Variants in PRKN observed in about 807,000 individuals in gnomAD.
The protein encoded by PRKN is parkin RBR E3 ubiquitin protein ligase.
In PRKN, 56 loss-of-function variants were observed where a neutral mutation model predicts 59.5. That is an observed-to-expected ratio of 0.94 (90% CI 0.76 to 1.18). The LOEUF (loss-of-function observed/expected upper bound fraction) is 1.18, where lower values mean the gene tolerates loss of function less well. Ranked by LOEUF, PRKN falls within the 50% of genes most tolerant of loss-of-function variation. The probability of loss-of-function intolerance (pLI) is 0.00; values close to 1 mark genes in which losing one functional copy is unlikely to be tolerated. For synonymous variants in PRKN, 250 were observed against 222.1 expected, an observed-to-expected ratio of 1.13 and a Z score of -1.12; for missense variants, 657 against 596.4, an observed-to-expected ratio of 1.10 and a Z score of -1.06.
intron 4 of PRKN, among the ~76,000 whole-genome samples, chr6:162,096,254 C>G (rs1006315430): frequency 6.6e-6 from 1 of 152,168 alleles, no homozygotes; most frequent in African/African-American, 2.4e-5. Context: ...GCTTCTCACT[C>G]TGTTCCCTAA....
rs998896104 is a variant in PRKN, at chr6:161,655,840, C to A, written c.872-86424G>T. 1.1e-4 allele frequency among the ~76,000 whole-genome samples: 16 copies of A among 151,962 alleles called. 1 individual carries two copies. In the East Asian group the frequency reaches 3.1e-3, roughly 29 times the overall value. The stretch of plus-strand genomic sequence containing the variant: ...TGATTATTGATTTCCAGTTCAAACT[C>A]ACCACACAGGCATATCAACACACAT... On this transcript the variant is annotated intron_variant, in intron 7 of 11. Coordinates refer to ENST00000366898, the MANE Select transcript of PRKN (RefSeq NM_004562.3).
At chr6:162,236,095 G>A (rs1778698212) in intron 3 of PRKN, among the ~76,000 whole-genome samples, 1 of 152,054 alleles carries the variant, frequency 6.6e-6, no homozygotes, top group Non-Finnish European at 1.5e-5. Context: ...AATTAGATGT[G>A]TCACCTAACA....
chr6:161,920,812 C>T (rs1778758569), intron 6 of PRKN, among the ~76,000 whole-genome samples: 1 of 151,926 alleles, frequency 6.6e-6, no homozygotes, highest in Admixed American at 6.6e-5. Flanking sequence ...AAACGTACCC[C>T]TGAATAGGAC....
intron 2 of PRKN, among the ~76,000 whole-genome samples, chr6:162,278,520 G>C (rs1256620226): frequency 6.6e-6 from 1 of 152,064 alleles, no homozygotes; most frequent in Non-Finnish European, 1.5e-5. Context: ...ATAATGGAGA[G>C]GGTATGGGCA....
At chr6:161,657,291 C>T (rs572207350) in intron 7 of PRKN, among the ~76,000 whole-genome samples, 1 of 152,308 alleles carries the variant, frequency 6.6e-6, no homozygotes, top group African/African-American at 2.4e-5. Context: ...ATTTCTGGGA[C>T]AGTCTTCTCT....
intron 4 of PRKN, among the ~76,000 whole-genome samples, chr6:162,195,484 T>C (rs890564889): frequency 3.3e-5 from 5 of 152,348 alleles, no homozygotes; most frequent in African/African-American, 1.2e-4. Context: ...TAGACTGTAT[T>C]TCTTAATAAA....
chr6:161,809,084 G>T (rs577434458), intron 6 of PRKN, among the ~76,000 whole-genome samples: 14 of 152,104 alleles, frequency 9.2e-5, no homozygotes, highest in Non-Finnish European at 1.5e-4. Flanking sequence ...CAGGCAGTCC[G>T]CCCACCTCAG....
chr6:161,590,444 A>C (rs1583268210), intron 7 of PRKN, among the ~76,000 whole-genome samples: 1 of 152,258 alleles, frequency 6.6e-6, no homozygotes, highest in South Asian at 2.1e-4. Flanking sequence ...CTAAAAATAC[A>C]AAAATTAGCT....
At chr6:162,337,709 C>T (rs966466340) in intron 2 of PRKN, among the ~76,000 whole-genome samples, 1 of 152,030 alleles carries the variant, frequency 6.6e-6, no homozygotes, top group Non-Finnish European at 1.5e-5. Flanking sequence ...TGTGAGGACA[C>T]CTGGGTCTAA....
intron 6 of PRKN, among the ~76,000 whole-genome samples, chr6:161,897,954 G>A (rs182284298): frequency 0.086 from 3,320 of 38,518 alleles, 169 homozygotes; most frequent in African/African-American, 0.24. Context: ...GTGACAGAGC[G>A]AGACTCCGTC....
intron 3 of PRKN, among the ~76,000 whole-genome samples, chr6:162,221,687 A>G (rs1204092612): frequency 6.6e-6 from 1 of 152,196 alleles, no homozygotes; most frequent in Non-Finnish European, 1.5e-5. Flanking sequence ...TGATTGAAAA[A>G]TGTATGAAGC....
intron 1 of PRKN, among the ~76,000 whole-genome samples, chr6:162,677,314 A>G (rs1015341271): frequency 8.6e-5 from 13 of 152,044 alleles, no homozygotes; most frequent in East Asian, 1.9e-4. Context: ...TTCAAGGACC[A>G]TAACAGCTGA....
chr6:162,254,328 G>A (rs1001695180), intron 3 of PRKN, among the ~76,000 whole-genome samples: 5 of 151,838 alleles, frequency 3.3e-5, no homozygotes, highest in African/African-American at 9.7e-5. Flanking sequence ...ATGGTGGTGG[G>A]TGCCTGTAAT....
At chr6:162,110,995 A>G (rs1780407257) in intron 4 of PRKN, among the ~76,000 whole-genome samples, 1 of 152,318 alleles carries the variant, frequency 6.6e-6, no homozygotes, top group Middle Eastern at 3.4e-3. Context: ...TGTGGCTGAC[A>G]TGACCAGACC....
chr6:161,466,602 ATC>A lies in PRKN; in HGVS notation c.1084-79727_1084-79726del, dbSNP rs1362421630. The stretch of plus-strand genomic sequence containing the variant: ...TGCATATTAAAAGATAAGCCAGTAC[ATC>A]TCTGAGATTTGCCATCCTCTCTGGT... On this transcript the variant is annotated intron_variant, in intron 9 of 11. Coordinates refer to ENST00000366898, the MANE Select transcript of PRKN (RefSeq NM_004562.3). The surrounding 1 kb of genome is among the most constrained non-coding windows in gnomAD (Gnocchi z 5.0). 6.6e-6 allele frequency among the ~76,000 whole-genome samples: 1 copy of A among 152,208 alleles called. No individual in the cohort carries two copies. Among genetic ancestry groups the A allele is most frequent in the Non-Finnish European group, 1.5e-5 (1 of 68,046 alleles).
intron 4 of PRKN, among the ~76,000 whole-genome samples, chr6:162,065,567 G>C (rs1186499321): frequency 7.0e-6 from 1 of 142,774 alleles, no homozygotes; most frequent in Admixed American, 7.0e-5. Context: ...TTTTTTTTTT[G>C]GTCAATTTTT....
intron 7 of PRKN, among the ~76,000 whole-genome samples, chr6:161,742,032 C>T (rs1052588460): frequency 3.3e-5 from 5 of 152,046 alleles, no homozygotes; most frequent in African/African-American, 4.8e-5. Context: ...TGCAGTGGCA[C>T]GATCTTGGCA....
At chr6:162,441,977 T>C (rs1790075647) in intron 2 of PRKN, among the ~76,000 whole-genome samples, 2 of 151,262 alleles carry the variant, frequency 1.3e-5, no homozygotes, top group East Asian at 2.0e-4. Flanking sequence ...GGTTGGCAGA[T>C]ACAGTGAAAA....
At chr6:161,374,476 G>A in intron 10 of PRKN, among the ~76,000 whole-genome samples, 1 of 148,172 alleles carries the variant, frequency 6.7e-6, no homozygotes, top group East Asian at 2.0e-4. Flanking sequence ...TGTGTGTGAT[G>A]GGTGTGTGGT....
Sources: gnomAD v4.1 joint callset for allele counts (sites outside exome capture counted in the v4.1 genomes callset) on GRCh38, gnomAD v4.1.1 for gene constraint, Gnocchi (gnomAD v3.1) non-coding constraint, MANE v1.5 for transcripts, NCBI Gene and HGNC (gene_info 2026-07-23, HGNC 2026-07-21) for gene names.